MATR3: variants seen among roughly 807,000 people sequenced by gnomAD.
MATR3 encodes matrin-3.
In MATR3, 4 loss-of-function variants were observed where a neutral mutation model predicts 85.5. The ratio of observed to expected loss-of-function variants is 0.05; its 90% CI spans 0.02 to 0.11. The LOEUF is 0.11. Ranked by LOEUF, MATR3 falls within the 10% of genes least tolerant of loss-of-function variation. MATR3 has a pLI of 1.00. For synonymous variants in MATR3, 336 were observed against 343.1 expected (o/e 0.98, Z 0.23); for missense variants, 685 against 1,016.1 (o/e 0.67, Z 4.43).
intron 3 of MATR3, among the ~76,000 whole-genome samples, chr5:139,283,923 C>T (rs1753619403): frequency 6.6e-6 from 1 of 152,196 alleles, no homozygotes; most frequent in Admixed American, 6.5e-5. Context: ...GATCTCAGCT[C>T]AGTTGCAGAG....
Position 139,308,012 on chromosome 5 carries a change from G to A in MATR3, c.597G>A (p.Val199=), listed in dbSNP as rs1754794221. 1.2e-6 allele frequency: 2 copies of A among 1,614,020 alleles called. No individual in the cohort carries two copies. Among genetic ancestry groups the A allele is most frequent in the Non-Finnish European group, 8.5e-7 (1 of 1,180,016 alleles). ...ATCGTGGTCCTAGTCTCAACCCAGT[G>A]CTTGATTATGACCATGGAAGTCGTT... ...FDDRGPSLNP[V]LDYDHGSRSQ... is the part of the protein sequence containing the mutation. Residue 199 remains valine, a synonymous_variant, in exon 2 of 15, where the codon GTG becomes GTA. Coordinates refer to ENST00000394805, the MANE Select transcript of MATR3 (RefSeq NM_018834.6).
chr5:139,318,835 A>G (rs1755392547), intron 7 of MATR3, 73 bp from the exon 8 acceptor site: 1 of 1,434,248 alleles, frequency 7.0e-7, no homozygotes, highest in South Asian at 1.2e-5. Flanking sequence ...ATTTTTTAGG[A>G]AAAAAAATCT....
At position 139,308,137 on chromosome 5, in the gene MATR3, A is replaced by G. The variant is rs1474950644; in HGVS notation, c.722A>G (p.His241Arg). Residue 241 changes from histidine to arginine, a missense_variant, in exon 2 of 15, where the codon CAT becomes CGT. Physicochemically the swap from His to Arg is conservative, Grantham distance 29. Transcript: ENST00000394805. Reference protein sequence around the residue: ...RDDSFFGETSHNYHKFDSEYE... With the variant: ...RDDSFFGETSRNYHKFDSEYE... ...GATTCTTTTTTTGGTGAGACCTCGC[A>G]TAACTATCATAAATTTGACAGTGAG... 1.2e-6 allele frequency: 2 copies of G among 1,614,094 alleles called. No individual in the cohort carries two copies. Among genetic ancestry groups the G allele is most frequent in the Admixed American group, 1.7e-5 (1 of 60,006 alleles).
chr5:139,328,127 G>T (rs556265251), intron 14 of MATR3, among the ~76,000 whole-genome samples: 91 of 151,386 alleles, frequency 6.0e-4, no homozygotes, highest in Admixed American at 1.9e-3. Context: ...CTCCCAAAGT[G>T]CTGGGATTAC....
intron 1 of MATR3, among the ~76,000 whole-genome samples, chr5:139,298,877 T>C (rs1754296506): frequency 6.6e-6 from 1 of 152,214 alleles, no homozygotes; most frequent in African/African-American, 2.4e-5. Flanking sequence ...ATCTGCAGAA[T>C]AAAGTACATG....
intron 3 of MATR3, chr5:139,285,196 TACTCAAA>T (rs1371060043): frequency 2.0e-5 from 3 of 152,234 alleles, no homozygotes; most frequent in Non-Finnish European, 2.9e-5. Flanking sequence ...TTGAAGGAAC[TACTCAAA>T]TGTCTTACTT....
intron 1 of MATR3, among the ~76,000 whole-genome samples, chr5:139,300,309 G>A (rs890295396): frequency 6.6e-6 from 1 of 152,174 alleles, no homozygotes; most frequent in African/African-American, 2.4e-5. Context: ...AGGTTGCAGT[G>A]AGCCAAGATC....
At chr5:139,328,818 A>G (rs1027606485) in intron 14 of MATR3, among the ~76,000 whole-genome samples, 1 of 152,162 alleles carries the variant, frequency 6.6e-6, no homozygotes, top group Non-Finnish European at 1.5e-5. Context: ...CCTGGCCAAC[A>G]CGGTGAAAAC....
In MATR3 at chr5:139,319,203, AG is replaced by A. The variant is rs1340731970; in HGVS notation, c.1435-129del. ...GGATTATGTGAGGCCCAGGAGTTCCAGGCAAGCCTGGGCAACATAGCAAGAC... is the reference window on the plus strand; with the variant it reads ...GGATTATGTGAGGCCCAGGAGTTCCAGCAAGCCTGGGCAACATAGCAAGAC... On this transcript the variant is annotated intron_variant, in intron 8 of 14. Transcript: ENST00000394805. The A allele has an allele frequency of 2.4e-6, 3 of 1,274,818 alleles. No homozygotes were observed. The East Asian group carries it at 7.3e-5, about 31-fold the overall frequency. The allele number at this position is 1,274,818 out of a possible 1,614,324, so 79.0% of individuals were successfully genotyped here.
In MATR3 at chr5:139,277,309, G is replaced by A. The variant is rs1340119841; in HGVS notation, c.-257+1159G>A. On this transcript the variant is annotated intron_variant, in intron 2 of 16. Transcript: ENST00000509990. ...TGAGCCACTGCACCGTGCCTGGCCT[G>A]GAATGCTAATCTTTTGAGAAGAGAT... is the stretch of plus-strand genomic sequence containing the variant. 2.0e-5 allele frequency among the ~76,000 whole-genome samples: 3 copies of A among 151,992 alleles called. No homozygotes were observed. The East Asian group carries it at 5.8e-4, about 29-fold the overall frequency.
chr5:139,318,758 A>G (rs985656850), intron 7 of MATR3, 150 bp from the exon 8 acceptor site: 30 of 786,524 alleles, frequency 3.8e-5, no homozygotes, highest in South Asian at 6.7e-5. Flanking sequence ...TTTGTTTTGT[A>G]TTTTGATTCT....
chr5:139,326,424 T>TC, intron 14 of MATR3, 140 bp downstream of exon 14: 4 of 552,504 alleles, frequency 7.2e-6, no homozygotes, highest in Non-Finnish European at 1.1e-5. Context: ...TTTATTTACT[T>TC]TTTTTTTTTT....
intron 7 of MATR3, among the ~76,000 whole-genome samples, chr5:139,318,260 A>C (rs760346408): frequency 6.6e-6 from 1 of 151,730 alleles, no homozygotes; most frequent in African/African-American, 2.4e-5. Flanking sequence ...CAGCCTCCCA[A>C]GTAGCTGGGA....
chr5:139,330,647 G>A lies in MATR3; in HGVS notation c.*1252G>A, dbSNP rs1354125262. 4.4e-6 allele frequency: 2 copies of A among 454,068 alleles called. No homozygotes were observed. The highest frequency in any genetic ancestry group is 4.4e-6 in the Non-Finnish European group (1 of 226,772). 28.1% of individuals were successfully genotyped at this position (454,068 alleles called of 1,614,324 possible). ...TTTAAAAACCTTATGAATTAAAAAT[G>A]CTACAGGTGAACAAACAGAAGCTTA... On this transcript the variant is annotated 3_prime_UTR_variant, in exon 15 of 15. Transcript: ENST00000394805.
intron 3 of MATR3, among the ~76,000 whole-genome samples, chr5:139,284,406 A>G (rs897009742): frequency 6.6e-6 from 1 of 152,224 alleles, no homozygotes; most frequent in Non-Finnish European, 1.5e-5. Flanking sequence ...GGACAGGACC[A>G]GCATGGCCAA....
chr5:139,282,115 C>G (rs140581552), intron 3 of MATR3, among the ~76,000 whole-genome samples: 1 of 152,124 alleles, frequency 6.6e-6, no homozygotes, highest in Non-Finnish European at 1.5e-5. Flanking sequence ...AGGAAAACAC[C>G]GTGCTAAGAG....
chr5:139,290,837 A>G (rs1408361794), upstream of MATR3, among the ~76,000 whole-genome samples: 3 of 152,148 alleles, frequency 2.0e-5, no homozygotes, highest in Admixed American at 2.0e-4. Flanking sequence ...CCTGGGCTCA[A>G]GACCCATATA....
upstream of MATR3, among the ~76,000 whole-genome samples, chr5:139,290,797 T>G (rs141329029): frequency 1.2e-3 from 183 of 152,196 alleles, no homozygotes; most frequent in African/African-American, 4.2e-3. Flanking sequence ...GGCATTAACT[T>G]GTAAATTTGT....
At position 139,317,035 on chromosome 5, in the gene MATR3, C is replaced by CT; in HGVS notation, c.1130-15dup. 1 of 1,607,620 alleles carries CT rather than the reference C, an allele frequency of 6.2e-7. No homozygotes were observed. The highest frequency in any genetic ancestry group is 8.5e-7 in the Non-Finnish European group (1 of 1,175,064). ...AGTATAGTGATTACAAGACTGAAAA[C>CT]TTTCTCTTCCCATAAAGGTGCTGGA... On this transcript the variant is annotated splice_polypyrimidine_tract_variant and intron_variant, in intron 5 of 14. Transcript: ENST00000394805.
Sources: gnomAD v4.1 joint callset for allele counts (sites outside exome capture counted in the v4.1 genomes callset) on GRCh38, gnomAD v4.1.1 for gene constraint, MANE v1.5 for transcripts, NCBI Gene and HGNC (gene_info 2026-07-23, HGNC 2026-07-21) for gene names.